Variants in PCDHGA3 observed in about 807,000 individuals in gnomAD.
The protein encoded by PCDHGA3 is protocadherin gamma subfamily A, 3.
A neutral mutation model predicts 58.5 loss-of-function variants in PCDHGA3; 40 were observed. The ratio of observed to expected loss-of-function variants is 0.68; its 90% confidence interval spans 0.53 to 0.89. The LOEUF is 0.89. PCDHGA3 is among the 40% of genes least tolerant of loss of function. PCDHGA3 has a pLI of 0.00. For missense variants in PCDHGA3, 1,223 were observed against 1,195.9 expected (o/e 1.02, Z -0.33); for synonymous variants, 530 against 525.7 (o/e 1.01, Z -0.11).
intron 1 of PCDHGA3, chr5:141,389,972 GA>G: frequency 6.2e-7 from 1 of 1,614,056 alleles, no homozygotes; most frequent in East Asian, 2.2e-5. Flanking sequence ...CCTTGGCCTT[GA>G]TCTCAGTGCT....
intron 1 of PCDHGA3, chr5:141,403,431 C>T: frequency 6.2e-7 from 1 of 1,614,028 alleles, no homozygotes; most frequent in Non-Finnish European, 8.5e-7. Context: ...GCTATTGATC[C>T]GGATGTTGGC....
At chr5:141,420,530 A>G (rs1038635436) in intron 1 of PCDHGA3, 9 of 336,858 alleles carry the variant, frequency 2.7e-5, no homozygotes, top group African/African-American at 6.4e-5. Flanking sequence ...CCTTTCGGTT[A>G]AAAATATAAA....
chr5:141,393,650 C>A, intron 1 of PCDHGA3: 1 of 1,613,906 alleles, frequency 6.2e-7, no homozygotes, highest in Non-Finnish European at 8.5e-7. Context: ...AAGTGGCATA[C>A]AAATTCCGGA....
intron 1 of PCDHGA3, among the ~76,000 whole-genome samples, chr5:141,469,304 C>T (rs890230691): frequency 2.0e-5 from 3 of 151,892 alleles, no homozygotes; most frequent in East Asian, 1.9e-4. Flanking sequence ...AGACTGGGCA[C>T]GATGGCTCAC....
In PCDHGA3 at chr5:141,485,556, A is replaced by T; in HGVS notation, c.2425-9251A>T. On this transcript the variant is annotated intron_variant, in intron 1 of 3. Coordinates refer to ENST00000253812, the MANE Select transcript of PCDHGA3 (RefSeq NM_018916.4). This position sits in a 1 kb window ranked among gnomAD's most constrained non-coding sequence, Gnocchi z 5.7. ...GAGGTAGAGATCGTAGATGTGAATG[A>T]TCACGCCCCCCGTTTTCCGCGGCAG... is the stretch of plus-strand genomic sequence containing the variant. The T allele has an allele frequency of 6.2e-7, 1 of 1,613,664 alleles. No homozygotes were observed. Among genetic ancestry groups the T allele is most frequent in the Non-Finnish European group, 8.5e-7 (1 of 1,179,644 alleles).
At position 141,477,938 on chromosome 5, in the gene PCDHGA3, T is replaced by C. The variant is rs1441443411; in HGVS notation, c.2425-16869T>C. The stretch of plus-strand genomic sequence containing the variant: ...TGCAGGGCACAATGCCTGGCTCTCC[T>C]ACAGTCTCTTGGGATCCCCTAACCA... On this transcript the variant is annotated intron_variant, in intron 1 of 3. Transcript: ENST00000253812. The surrounding 1 kb of genome is among the most constrained non-coding windows in gnomAD (Gnocchi z 4.9). The C allele has an allele frequency of 3.1e-6, 5 of 1,614,036 alleles. No homozygotes were observed. The highest frequency in any genetic ancestry group is 4.2e-6 in the Non-Finnish European group (5 of 1,180,030).
chr5:141,489,447 G>A lies in PCDHGA3; in HGVS notation c.2425-5360G>A. The A allele has an allele frequency of 5.6e-6, 9 of 1,614,134 alleles. No homozygotes were observed. The highest frequency in any genetic ancestry group is 7.6e-6 in the Non-Finnish European group (9 of 1,180,028). ...GCCGGCGGCTGCAATTGGGCTCTGA[G>A]GAGAATGGGCGCTATTTTTCCCTGA... On this transcript the variant is annotated intron_variant, in intron 1 of 3. Coordinates refer to ENST00000253812, the MANE Select transcript of PCDHGA3 (RefSeq NM_018916.4). This position sits in a 1 kb window ranked among gnomAD's most constrained non-coding sequence, Gnocchi z 4.5.
At chr5:141,370,519 A>G (rs1766991925) in intron 1 of PCDHGA3, 1 of 1,613,730 alleles carries the variant, frequency 6.2e-7, no homozygotes, top group South Asian at 1.1e-5. Context: ...GAGGAGCTGG[A>G]CAGGGGCTCG....
chr5:141,455,055 G>T (rs1019622889), intron 1 of PCDHGA3, among the ~76,000 whole-genome samples: 1 of 151,602 alleles, frequency 6.6e-6, no homozygotes, highest in African/African-American at 2.4e-5. Flanking sequence ...CTCGTGATCC[G>T]CCCGCCTCGG....
chr5:141,407,703 G>A (rs1016806853), intron 1 of PCDHGA3, among the ~76,000 whole-genome samples: 26 of 152,096 alleles, frequency 1.7e-4, no homozygotes, highest in African/African-American at 6.3e-4. Flanking sequence ...ATTGTTGAAG[G>A]TGGGGTGATG....
At chr5:141,419,017 A>G (rs1478763916) in intron 1 of PCDHGA3, 4 of 1,613,928 alleles carry the variant, frequency 2.5e-6, no homozygotes, top group Non-Finnish European at 3.4e-6. Flanking sequence ...GGTGTAGCTT[A>G]AGTAGAGGTG....
Position 141,490,351 on chromosome 5 carries a change from T to C in PCDHGA3, c.2425-4456T>C. Reference sequence around the variant, plus strand: ...CACACCAGTGGGCACAGTAGTGGGGTTGTTTAATGTGCGAGACCGGGACTC... The same window carrying C: ...CACACCAGTGGGCACAGTAGTGGGGCTGTTTAATGTGCGAGACCGGGACTC... On this transcript the variant is annotated intron_variant, in intron 1 of 3. Transcript: ENST00000253812. The surrounding 1 kb of genome is among the most constrained non-coding windows in gnomAD (Gnocchi z 5.4). 6.2e-7 allele frequency: 1 copy of C among 1,614,028 alleles called. No individual in the cohort carries two copies. The highest frequency in any genetic ancestry group is 1.3e-5 in the African/African-American group (1 of 74,976).
In PCDHGA3 at chr5:141,365,535, A is replaced by G. The variant is rs1042184144; in HGVS notation, c.2424+19078A>G. 3.1e-6 allele frequency: 5 copies of G among 1,613,822 alleles called. No individual in the cohort carries two copies. Among genetic ancestry groups the G allele is most frequent in the Non-Finnish European group, 4.2e-6 (5 of 1,179,884 alleles). On this transcript the variant is annotated intron_variant, in intron 1 of 3. Transcript: ENST00000253812. ...TTGGAGAAGTCAGTTGATAATTACTATCACCTATTAACAACTAGGGACCTG... is the reference window on the plus strand; with the variant it reads ...TTGGAGAAGTCAGTTGATAATTACTGTCACCTATTAACAACTAGGGACCTG...
At position 141,372,874 on chromosome 5, in the gene PCDHGA3, A is replaced by T; in HGVS notation, c.2424+26417A>T. The T allele has an allele frequency of 4.6e-6, 6 of 1,314,500 alleles. No individual in the cohort carries two copies. The East Asian group carries it at 1.2e-4, about 27-fold the overall frequency. 81.4% of individuals were successfully genotyped at this position (1,314,500 alleles called of 1,614,324 possible). A position where few individuals can be genotyped will look rare whatever the true frequency, so the allele number is the denominator to read the frequency against. On this transcript the variant is annotated intron_variant, in intron 1 of 3. Transcript: ENST00000253812. ...GGTTTCAATTCATTGATTTAGAGAT[A>T]AAAAGAATACAGATTAAATATTCCC... is the stretch of plus-strand genomic sequence containing the variant.
intron 3 of PCDHGA3, among the ~76,000 whole-genome samples, chr5:141,506,441 T>C (rs1940889203): frequency 9.8e-6 from 1 of 101,930 alleles, no homozygotes; most frequent in South Asian, 3.0e-4. Flanking sequence ...TCTCGCTCTG[T>C]CTCAAAAAAA....
intron 1 of PCDHGA3, among the ~76,000 whole-genome samples, chr5:141,462,288 G>A (rs1239615759): frequency 3.9e-5 from 6 of 152,196 alleles, no homozygotes; most frequent in Non-Finnish European, 7.3e-5. Flanking sequence ...CACCAAATAT[G>A]TAAGTATTAC....
chr5:141,414,615 G>T, intron 1 of PCDHGA3: 1 of 1,613,962 alleles, frequency 6.2e-7, no homozygotes, highest in Non-Finnish European at 8.5e-7. Flanking sequence ...CAGTGACAGC[G>T]CTGGACCCGG....
chr5:141,385,620 T>G (rs2090301137), intron 1 of PCDHGA3: 1 of 1,063,712 alleles, frequency 9.4e-7, no homozygotes, highest in Middle Eastern at 3.9e-4. Flanking sequence ...TTTTATACAT[T>G]GGAATGAATC....
At position 141,511,482 on chromosome 5, in the gene PCDHGA3, C is replaced by A. The variant is rs761434245; in HGVS notation, c.*309C>A. ...CACACCCCGTTTAGTTACAGCTGAA[C>A]TCCTCCATCTTCCAAATCAATCAGG... On this transcript the variant is annotated 3_prime_UTR_variant, in exon 4 of 4. Coordinates refer to ENST00000253812, the MANE Select transcript of PCDHGA3 (RefSeq NM_018916.4). The A allele has an allele frequency of 2.4e-4, 113 of 464,462 alleles. No homozygotes were observed. Among genetic ancestry groups the A allele is most frequent in the Non-Finnish European group, 4.0e-4 (105 of 260,154 alleles). The allele number at this position is 464,462 out of a possible 1,614,324, so 28.8% of individuals were successfully genotyped here. A position where few individuals can be genotyped will look rare whatever the true frequency, so the allele number is the denominator to read the frequency against.
Sources: gnomAD v4.1 joint callset for allele counts (sites outside exome capture counted in the v4.1 genomes callset) on GRCh38, gnomAD v4.1.1 for gene constraint, Gnocchi (gnomAD v3.1) non-coding constraint, MANE v1.5 for transcripts, NCBI Gene and HGNC (gene_info 2026-07-23, HGNC 2026-07-21) for gene names.